Variants in PACS2 observed in about 807,000 individuals in gnomAD.
The protein encoded by PACS2 is phosphofurin acidic cluster sorting protein 2.
PACS2 carries 36 observed loss-of-function variants against 113.0 expected under a neutral mutation model. That is an observed-to-expected ratio of 0.32 (90% confidence interval 0.24 to 0.42). The LOEUF (loss-of-function observed/expected upper bound fraction) is 0.42, where lower values mean the gene tolerates loss of function less well. PACS2 is among the 10% of genes least tolerant of loss of function. PACS2 has a pLI of 1.00. For missense variants in PACS2, 1,015 were observed against 1,239.5 expected, an observed-to-expected ratio of 0.82 and a Z score of 2.72; for synonymous variants, 589 against 536.1, an observed-to-expected ratio of 1.10 and a Z score of -1.36.
chr14:105,358,331 G>A lies in PACS2; in HGVS notation c.423+3154G>A, dbSNP rs1275951044. The stretch of plus-strand genomic sequence containing the variant: ...AGTGACCGCAGCCCCAGGGCCTGCT[G>A]GGCACGCGCCTCTGCCTGCCACTTC... On this transcript the variant is annotated intron_variant, in intron 4 of 24. Coordinates refer to ENST00000447393, the MANE Select transcript of PACS2 (RefSeq NM_001100913.3). The surrounding 1 kb of genome is among the most constrained non-coding windows in gnomAD (Gnocchi z 4.9). Among the ~76,000 whole-genome samples the A allele has an allele frequency of 6.6e-6, 1 of 152,216 alleles. No homozygotes were observed. The highest frequency in any genetic ancestry group is 2.4e-5 in the African/African-American group (1 of 41,448).
intron 4 of PACS2, among the ~76,000 whole-genome samples, chr14:105,362,370 T>C (rs1296803714): frequency 7.0e-6 from 1 of 143,740 alleles, no homozygotes; most frequent in Non-Finnish European, 1.5e-5. Context: ...TGAGCCGAGA[T>C]CGCGCCACTG....
chr14:105,379,983 C>A, intron 10 of PACS2, 97 bp from the exon 11 acceptor site: 1 of 1,335,286 alleles, frequency 7.5e-7, no homozygotes, highest in Non-Finnish European at 1.1e-6. Context: ...CACGCAGGTA[C>A]CCCGGGCCTC....
At chr14:105,312,822 C>T (rs992403257), upstream of PACS2, among the ~76,000 whole-genome samples, 8 of 152,326 alleles carry the variant, frequency 5.3e-5, no homozygotes, top group East Asian at 3.9e-4. Flanking sequence ...TGGTCGCAGG[C>T]GTGACACATG....
At position 105,315,085 on chromosome 14, in the gene PACS2, G is replaced by A. The variant is rs974552156; in HGVS notation, c.119+48G>A. On this transcript the variant is annotated intron_variant, in intron 1 of 24. Coordinates refer to ENST00000447393, the MANE Select transcript of PACS2 (RefSeq NM_001100913.3). This position sits in a 1 kb window ranked among gnomAD's most constrained non-coding sequence, Gnocchi z 4.4. ...TGTTCCCGCCGGGCACCTGCTGGGGGTGTCCTGGCCGCGGCCTCTGCGCGC... is the reference window on the plus strand; with the variant it reads ...TGTTCCCGCCGGGCACCTGCTGGGGATGTCCTGGCCGCGGCCTCTGCGCGC... 1.7e-5 allele frequency: 18 copies of A among 1,068,622 alleles called. No individual in the cohort carries two copies. The highest frequency in any genetic ancestry group is 6.3e-5 in the East Asian group (1 of 15,918). The allele number at this position is 1,068,622 out of a possible 1,614,324, so 66.2% of individuals were successfully genotyped here. A position where few individuals can be genotyped will look rare whatever the true frequency, so the allele number is the denominator to read the frequency against.
chr14:105,392,961 C>A, intron 23 of PACS2, 116 bp downstream of exon 23: 1 of 808,820 alleles, frequency 1.2e-6, no homozygotes, highest in East Asian at 2.6e-5. Flanking sequence ...AGCCCACATG[C>A]GCAGGCAGGG....
In PACS2 at chr14:105,383,583, TGTGGCGTGGC is replaced by T. The variant is rs782414555; in HGVS notation, c.1780+79_1780+88del. On this transcript the variant is annotated intron_variant, in intron 16 of 24. Coordinates refer to ENST00000447393, the MANE Select transcript of PACS2 (RefSeq NM_001100913.3). ...GGCAGTGTGGCGTGGCATGGAGTGG[TGTGGCGTGGC>T]GTGGCGTGTTGTGTGGCGTGGCGTG... 4.8e-6 allele frequency: 7 copies of T among 1,465,136 alleles called. No individual in the cohort carries two copies. The African/African-American group carries it at 7.0e-5, about 15-fold the overall frequency. The allele number at this position is 1,465,136 out of a possible 1,614,324, so 90.8% of individuals were successfully genotyped here.
upstream of PACS2, among the ~76,000 whole-genome samples, chr14:105,313,529 A>T (rs1401885537): frequency 1.1e-4 from 17 of 152,218 alleles, no homozygotes; most frequent in Admixed American, 1.0e-3. Flanking sequence ...AGCTGTTTGC[A>T]GTTCTAGATA....
chr14:105,376,367 G>T lies in PACS2; in HGVS notation c.802-401G>T, dbSNP rs764004771. ...AACAGAGTGAGATTCGCAGGGCCTGGGGCTGAGGGAGGGGACGCACTAGAG... is the reference window on the plus strand; with the variant it reads ...AACAGAGTGAGATTCGCAGGGCCTGTGGCTGAGGGAGGGGACGCACTAGAG... On this transcript the variant is annotated intron_variant, in intron 8 of 24. Coordinates refer to ENST00000447393, the MANE Select transcript of PACS2 (RefSeq NM_001100913.3). The surrounding 1 kb of genome is among the most constrained non-coding windows in gnomAD (Gnocchi z 4.7). Among the ~76,000 whole-genome samples the T allele has an allele frequency of 4.5e-4, 69 of 152,074 alleles. No homozygotes were observed. The highest frequency in any genetic ancestry group is 1.2e-3 in the South Asian group (6 of 4,822).
rs1435604891 is a variant in PACS2, at chr14:105,324,731, C to T, written c.119+9694C>T. Among the ~76,000 whole-genome samples the T allele has an allele frequency of 2.0e-5, 3 of 151,748 alleles. No individual in the cohort carries two copies. The highest frequency in any genetic ancestry group is 2.1e-4 in the South Asian group (1 of 4,810). ...GCCGGTGGCGCCCCGTCTCACCCCA[C>T]GGATGGGGGGCAGGCTCTCCAGGAG... On this transcript the variant is annotated intron_variant, in intron 1 of 24. Transcript: ENST00000447393. This position sits in a 1 kb window ranked among gnomAD's most constrained non-coding sequence, Gnocchi z 4.7.
intron 4 of PACS2, among the ~76,000 whole-genome samples, chr14:105,364,721 G>T (rs1352590359): frequency 2.2e-4 from 32 of 144,712 alleles, no homozygotes; most frequent in Admixed American, 2.1e-3. Context: ...TTTTGAGACG[G>T]GGTCTTACTT....
At position 105,314,941 on chromosome 14, in the gene PACS2, G is replaced by T; in HGVS notation, c.23G>T (p.Gly8Val). ...GCCATGGCCGAGCGAGGCCGCCTCG[G>T]CCTCCCCGGCGCGCCCGGCGCGCTC... MAERGRL[G>V]LPGAPGALNT... The change falls in exon 1 of 25, where the codon GGC becomes GTC. Residue 8 changes from glycine (G) to valine (V), a missense_variant. Gly to Val is a moderately radical substitution (Grantham distance 109). Transcript: ENST00000447393. The T allele has an allele frequency of 8.7e-7, 1 of 1,156,014 alleles. No homozygotes were observed. The highest frequency in any genetic ancestry group is 6.7e-5 in the East Asian group (1 of 14,896). The allele number at this position is 1,156,014 out of a possible 1,614,324, so 71.6% of individuals were successfully genotyped here.
At chr14:105,359,392 C>T (rs1221896870) in intron 4 of PACS2, among the ~76,000 whole-genome samples, 1 of 151,758 alleles carries the variant, frequency 6.6e-6, no homozygotes, top group African/African-American at 2.4e-5. Context: ...ACTGCAACCT[C>T]CACCTCCCGG....
chr14:105,349,496 C>T (rs1555403423), intron 2 of PACS2, among the ~76,000 whole-genome samples: 1 of 152,258 alleles, frequency 6.6e-6, no homozygotes, highest in East Asian at 1.9e-4. Context: ...ATTCTTGACA[C>T]CTGCTGTGGC....
intron 14 of PACS2, 40 bp from the exon 15 acceptor site, chr14:105,382,767 G>A (rs1177629865): frequency 7.5e-7 from 1 of 1,328,104 alleles, no homozygotes; most frequent in Non-Finnish European, 1.1e-6. Flanking sequence ...GGTGGCCTGG[G>A]CGGCTGTGCC....
chr14:105,394,453 G>C, intron 24 of PACS2, 101 bp from the exon 25 acceptor site: 4 of 1,564,968 alleles, frequency 2.6e-6, no homozygotes, highest in Non-Finnish European at 8.6e-7. Flanking sequence ...TTCTCATCCT[G>C]TACGCCCGGC....
chr14:105,331,287 T>G (rs760050163), intron 1 of PACS2, among the ~76,000 whole-genome samples: 11 of 152,214 alleles, frequency 7.2e-5, no homozygotes, highest in Non-Finnish European at 1.6e-4. Flanking sequence ...GTTTAGTCTG[T>G]GTTTCTGTGC....
chr14:105,368,038 TC>T, intron 5 of PACS2, 35 bp from the exon 6 acceptor site: 1 of 1,449,078 alleles, frequency 6.9e-7, no homozygotes, highest in Non-Finnish European at 9.7e-7. Context: ...GGGTGGAATC[TC>T]ACGGCACCCT....
In PACS2 at chr14:105,317,765, GT is replaced by G. The variant is rs1285303237; in HGVS notation, c.119+2729del. Among the ~76,000 whole-genome samples, 2 of 152,182 alleles carry G rather than the reference GT, an allele frequency of 1.3e-5. No homozygotes were observed. Among genetic ancestry groups the G allele is most frequent in the Admixed American group, 1.3e-4 (2 of 15,274 alleles). ...TGGGTGCACTCCCCGTGTCAGCCTG[GT>G]GGAGTGTGCACATTGACTGTTTGCC... On this transcript the variant is annotated intron_variant, in intron 1 of 24. Coordinates refer to ENST00000447393, the MANE Select transcript of PACS2 (RefSeq NM_001100913.3). The surrounding 1 kb of genome is among the most constrained non-coding windows in gnomAD (Gnocchi z 4.2).
In PACS2 at chr14:105,325,800, G is replaced by A. The variant is rs1334026205; in HGVS notation, c.119+10763G>A. On this transcript the variant is annotated intron_variant, in intron 1 of 24. Coordinates refer to ENST00000447393, the MANE Select transcript of PACS2 (RefSeq NM_001100913.3). ...ATGCTGTTCTTGTTCTGGTGAGCAC[G>A]GGGAACGGCACCAAGCCAATGCTGA... 9.8e-5 allele frequency among the ~76,000 whole-genome samples: 15 copies of A among 152,348 alleles called. No individual in the cohort carries two copies. In the East Asian group the frequency reaches 2.5e-3, roughly 25 times the overall value.
Sources: gnomAD v4.1 joint callset for allele counts (sites outside exome capture counted in the v4.1 genomes callset) on GRCh38, gnomAD v4.1.1 for gene constraint, Gnocchi (gnomAD v3.1) non-coding constraint, MANE v1.5 for transcripts, NCBI Gene and HGNC (gene_info 2026-07-23, HGNC 2026-07-21) for gene names.